ODAD4: variants seen among roughly 807,000 people sequenced by gnomAD.
ODAD4 encodes outer dynein arm-docking complex subunit 4.
ODAD4 carries 49 observed loss-of-function variants against 51.8 expected under a neutral mutation model. The ratio of observed to expected loss-of-function variants is 0.95; its 90% confidence interval spans 0.75 to 1.20. The LOEUF is 1.20. Among genes scored for constraint, ODAD4 ranks in the 50% most tolerant of loss-of-function variants. The pLI, the probability that ODAD4 is intolerant of heterozygous loss-of-function variation, is 0.00. For missense variants in ODAD4, 590 were observed against 586.5 expected, an observed-to-expected ratio of 1.01 and a Z score of -0.06; for synonymous variants, 235 against 221.3, an observed-to-expected ratio of 1.06 and a Z score of -0.55.
chr17:41,938,512 A>G, intron 5 of ODAD4, 45 bp from the exon 6 acceptor site: 1 of 1,534,164 alleles, frequency 6.5e-7, no homozygotes. Flanking sequence ...CAAATCCCTT[A>G]GAGGCCTGTT....
At chr17:41,936,198 G>A (rs574226355) in intron 3 of ODAD4, among the ~76,000 whole-genome samples, 3 of 152,322 alleles carry the variant, frequency 2.0e-5, no homozygotes, top group African/African-American at 4.8e-5. Context: ...TTGCTCTGTC[G>A]GTGGCAAGGC....
rs782424608 is a variant in ODAD4, at chr17:41,930,765, C to G, written c.42C>G (p.Pro14=). ...GCGAGACCTTGCGAAGCACCTTTCCCTCTTATATGGCCGAAGGCGAGCGGC... is the reference window on the plus strand; with the variant it reads ...GCGAGACCTTGCGAAGCACCTTTCCGTCTTATATGGCCGAAGGCGAGCGGC... ...PEGETLRSTF[P]SYMAEGERLY... Residue 14 remains proline (P), a synonymous_variant, in exon 1 of 12, where the codon CCC becomes CCG. Coordinates refer to ENST00000377540, the MANE Select transcript of ODAD4 (RefSeq NM_031421.5). 17 of 1,611,040 alleles carry G rather than the reference C, an allele frequency of 1.1e-5. No homozygotes were observed. The African/African-American group carries it at 2.3e-4, about 22-fold the overall frequency.
At chr17:41,938,350 G>A (rs1365596287) in intron 5 of ODAD4, among the ~76,000 whole-genome samples, 1 of 152,196 alleles carries the variant, frequency 6.6e-6, no homozygotes, top group East Asian at 1.9e-4. Context: ...CCCATAGCAT[G>A]GAACTCCCTG....
chr17:41,960,371 C>T (rs1429663897), intron 10 of ODAD4, among the ~76,000 whole-genome samples: 1 of 151,686 alleles, frequency 6.6e-6, no homozygotes, highest in East Asian at 1.9e-4. Flanking sequence ...TGGCGTGAAC[C>T]CAGGAGGCGG....
intron 9 of ODAD4, among the ~76,000 whole-genome samples, chr17:41,952,948 G>A (rs782821020): frequency 6.6e-6 from 1 of 151,796 alleles, no homozygotes; most frequent in Non-Finnish European, 1.5e-5. Flanking sequence ...TGTTGTCCAG[G>A]TTGTTCTGGA....
Position 41,936,566 on chromosome 17 carries a change from C to G in ODAD4, c.459+32C>G, listed in dbSNP as rs782421290. 2.5e-6 allele frequency: 4 copies of G among 1,594,742 alleles called. No individual in the cohort carries two copies. In the African/African-American group the frequency reaches 5.4e-5, roughly 21 times the overall value. ...GCCCTGGTTCTGTGGTTGTATCCCT[C>G]CAAGGGAAGAGGCTATGTGTGCCTG... On this transcript the variant is annotated intron_variant, in intron 4 of 11. Transcript: ENST00000377540.
chr17:41,951,178 G>A (rs1412001545), intron 9 of ODAD4, among the ~76,000 whole-genome samples: 3 of 150,650 alleles, frequency 2.0e-5, no homozygotes, highest in South Asian at 2.1e-4. Context: ...TCCGCCTCCC[G>A]TGTTCAAGCT....
At chr17:41,963,641 CTTT>C (rs571961236) in intron 11 of ODAD4, among the ~76,000 whole-genome samples, 1 of 140,780 alleles carries the variant, frequency 7.1e-6, no homozygotes, top group Admixed American at 7.1e-5. Flanking sequence ...TCTTTTCTTT[CTTT>C]TTTTTTTTTT....
At chr17:41,942,345 T>C (rs1021993198) in intron 7 of ODAD4, among the ~76,000 whole-genome samples, 11 of 152,326 alleles carry the variant, frequency 7.2e-5, no homozygotes, top group Non-Finnish European at 1.6e-4. Flanking sequence ...ACTTGCTAGA[T>C]TAGCCACTTA....
chr17:41,944,446 C>CACA lies in ODAD4; in HGVS notation c.1059-690_1059-689insACA, dbSNP rs1567933209. On this transcript the variant is annotated intron_variant, in intron 7 of 11. Coordinates refer to ENST00000377540, the MANE Select transcript of ODAD4 (RefSeq NM_031421.5). ...CACACACACACACACACACACACAC[C>CACA]CCCCCGCATACACAGAAATTGCCTT... Among the ~76,000 whole-genome samples the CACA allele has an allele frequency of 8.0e-3, 38 of 4,744 alleles. 1 individual carries two copies. The highest frequency in any genetic ancestry group is 0.12 in the Middle Eastern group (1 of 8). 3.1% of individuals were successfully genotyped at this position (4,744 alleles called of 152,430 possible).
rs1555641671 is a variant in ODAD4, at chr17:41,961,387, G to C, written c.1449G>C (p.Leu483Phe). The change falls in exon 11 of 12, where the codon TTG (leucine) becomes TTC (phenylalanine). Residue 483 changes from leucine (L) to phenylalanine (F), a missense_variant. By Grantham distance (22) the Leu-to-Phe change is conservative. Coordinates refer to ENST00000377540, the MANE Select transcript of ODAD4 (RefSeq NM_031421.5). ...NEAQQAIISA[L>F]DDANKGIIRE... ...GCTCCCTCTACCATCCACAGGCCTT[G>C]GACGATGCCAACAAGGGTATCATCA... is the stretch of plus-strand genomic sequence containing the variant. 1.3e-6 allele frequency: 1 copy of C among 745,100 alleles called. No homozygotes were observed. 46.2% of individuals were successfully genotyped at this position (745,100 alleles called of 1,614,324 possible). A position where few individuals can be genotyped will look rare whatever the true frequency, so the allele number is the denominator to read the frequency against.
In ODAD4 at chr17:41,949,221, G is replaced by T; in HGVS notation, c.1214G>T (p.Arg405Leu). 1 of 398,576 alleles carries T rather than the reference G, an allele frequency of 2.5e-6. No homozygotes were observed. Among genetic ancestry groups the T allele is most frequent in the East Asian group, 3.6e-5 (1 of 28,076 alleles). 24.7% of individuals were successfully genotyped at this position (398,576 alleles called of 1,614,324 possible). A position where few individuals can be genotyped will look rare whatever the true frequency, so the allele number is the denominator to read the frequency against. Residue 405 changes from arginine (R) to leucine (L), a missense_variant, in exon 9 of 12, where the codon CGC becomes CTC. This residue lies in a region of ODAD4 where 226 missense variants were observed against 162.7 expected (regional missense o/e 1.39). Coordinates refer to ENST00000377540, the MANE Select transcript of ODAD4 (RefSeq NM_031421.5). Reference protein sequence around the residue: ...EKTWLFHEIGRCYLELDQAWQ... With the variant: ...EKTWLFHEIGLCYLELDQAWQ... ...ACCTGGCTGTTCCACGAGATCGGCC[G>T]CTGCTACTTGGAGCTGGACCAGGCC...
At chr17:41,957,874 C>G (rs905663235) in intron 10 of ODAD4, among the ~76,000 whole-genome samples, 1 of 151,802 alleles carries the variant, frequency 6.6e-6, no homozygotes, top group African/African-American at 2.4e-5. Flanking sequence ...CAGCCTTGAT[C>G]TCTGGGCTCA....
Position 41,936,488 on chromosome 17 carries a change from A to C in ODAD4, c.413A>C (p.Lys138Thr). The change falls in exon 4 of 12, where the codon AAG (lysine) becomes ACG (threonine). Residue 138 changes from lysine to threonine, a missense_variant. Lys to Thr is a moderately conservative substitution (Grantham distance 78). Transcript: ENST00000377540. Reference protein sequence around the residue: ...NNSVGSPSSIKLENKGDLSFL... With the variant: ...NNSVGSPSSITLENKGDLSFL... ...TTCCTTGCAGGTCCTTCTTCCATTA[A>C]GCTGGAGAACAAAGGGGACCTCTCC... The C allele has an allele frequency of 1.2e-6, 2 of 1,613,278 alleles. No homozygotes were observed.
At position 41,949,335 on chromosome 17, in the gene ODAD4, T is replaced by A. The variant is rs2050625577; in HGVS notation, c.1328T>A (p.Val443Glu). Reference sequence around the variant, plus strand: ...TGGCAACTGAATGCCAGTGTTCTGGTGGCCCAGGCACAAGGTATGGGCTCA... The same window carrying A: ...TGGCAACTGAATGCCAGTGTTCTGGAGGCCCAGGCACAAGGTATGGGCTCA... The part of the protein sequence containing the change: ...IEWQLNASVL[V>E]AQAQVKLRDF... Residue 443 changes from valine to glutamate, a missense_variant, in exon 9 of 12, where the codon GTG becomes GAG. Physicochemically the swap from Val to Glu is moderately radical, Grantham distance 121. Coordinates refer to ENST00000377540, the MANE Select transcript of ODAD4 (RefSeq NM_031421.5). 2.5e-6 allele frequency: 1 copy of A among 398,564 alleles called. No individual in the cohort carries two copies. The highest frequency in any genetic ancestry group is 3.6e-5 in the East Asian group (1 of 28,086). The allele number at this position is 398,564 out of a possible 1,614,324, so 24.7% of individuals were successfully genotyped here.
At chr17:41,940,182 G>T (rs1302038837) in intron 7 of ODAD4, among the ~76,000 whole-genome samples, 1 of 151,960 alleles carries the variant, frequency 6.6e-6, no homozygotes, top group Admixed American at 6.6e-5. Flanking sequence ...CATCCCATTT[G>T]CCCTCACAGT....
At position 41,961,495 on chromosome 17, in the gene ODAD4, C is replaced by T. The variant is rs1555641717; in HGVS notation, c.1528+29C>T. On this transcript the variant is annotated intron_variant, in intron 11 of 11. Transcript: ENST00000377540. Reference sequence around the variant, plus strand: ...AGTTCCTGAAACTCTGAAAAGGCAACTTCAGCATTCTCCCTCTGCTTTCTT... The same window carrying T: ...AGTTCCTGAAACTCTGAAAAGGCAATTTCAGCATTCTCCCTCTGCTTTCTT... 4.2e-6 allele frequency: 3 copies of T among 719,402 alleles called. No homozygotes were observed. In the South Asian group the frequency reaches 4.4e-5, roughly 11 times the overall value. 44.6% of individuals were successfully genotyped at this position (719,402 alleles called of 1,614,324 possible). A position where few individuals can be genotyped will look rare whatever the true frequency, so the allele number is the denominator to read the frequency against.
chr17:41,960,981 C>T (rs544789510), intron 10 of ODAD4, among the ~76,000 whole-genome samples: 4 of 152,328 alleles, frequency 2.6e-5, no homozygotes, highest in African/African-American at 7.2e-5. Flanking sequence ...CAGCCCCCAG[C>T]CTGTCCCCTT....
chr17:41,951,771 C>T lies in ODAD4; in HGVS notation c.1342+2422C>T, dbSNP rs1380348705. On this transcript the variant is annotated intron_variant, in intron 9 of 11. Coordinates refer to ENST00000377540, the MANE Select transcript of ODAD4 (RefSeq NM_031421.5). ...TGGTGGCACACGCCTGTAGTCCCAA[C>T]TACTCGGGAGGCTGAGGCAGGAGAA... 3.4e-5 allele frequency among the ~76,000 whole-genome samples: 5 copies of T among 148,984 alleles called. 1 individual carries two copies. In the East Asian group the frequency reaches 1.0e-3, roughly 30 times the overall value.
Sources: allele counts gnomAD v4.1 joint callset (sites outside exome capture counted in the v4.1 genomes callset), GRCh38; gene constraint gnomAD v4.1.1; regional missense constraint gnomAD v4.1.1; transcripts MANE v1.5; gene names NCBI Gene and HGNC (gene_info 2026-07-23, HGNC 2026-07-21).